Variants in CNTN5 observed in about 807,000 individuals in gnomAD.
CNTN5 encodes contactin 5.
Under a neutral mutation model 129.1 loss-of-function variants are expected in CNTN5, and 77 were observed. The ratio of observed to expected loss-of-function variants is 0.60; its 90% CI spans 0.50 to 0.72. The LOEUF (loss-of-function observed/expected upper bound fraction) is 0.72, where lower values mean the gene tolerates loss of function less well. Among genes scored for constraint, CNTN5 ranks in the 30% least tolerant of loss-of-function variants. The pLI is 0.00. For missense variants in CNTN5, 1,478 were observed against 1,328.8 expected (o/e 1.11, Z -1.75); for synonymous variants, 509 against 465.6 (o/e 1.09, Z -1.20).
intron 23 of CNTN5, among the ~76,000 whole-genome samples, chr11:100,349,640 T>C (rs1404247474): frequency 3.3e-5 from 5 of 151,874 alleles, no homozygotes; most frequent in Non-Finnish European, 7.4e-5. Context: ...CTGTTTCATA[T>C]CCAGATCTGT....
At chr11:100,078,321 T>C (rs141443889) in intron 13 of CNTN5, among the ~76,000 whole-genome samples, 1,600 of 152,294 alleles carry the variant, frequency 0.011, 32 homozygotes, top group African/African-American at 0.034. Context: ...AAAATATGAT[T>C]AACAAATTAG....
At chr11:99,756,234 A>G (rs1266106955) in intron 3 of CNTN5, among the ~76,000 whole-genome samples, 1 of 152,132 alleles carries the variant, frequency 6.6e-6, no homozygotes. Context: ...TAGACCTTGT[A>G]AAGATAGCCT....
chr11:99,048,872 G>A (rs914384591), intron 1 of CNTN5, among the ~76,000 whole-genome samples: 5 of 152,068 alleles, frequency 3.3e-5, no homozygotes, highest in South Asian at 4.1e-4. Flanking sequence ...AAATGGCTTC[G>A]CCTTCAATTT....
At chr11:100,104,241 C>T (rs919361679) in intron 13 of CNTN5, among the ~76,000 whole-genome samples, 3 of 151,816 alleles carry the variant, frequency 2.0e-5, no homozygotes, top group Admixed American at 2.0e-4. Flanking sequence ...ATTACAGGTA[C>T]CCACCACCAC....
chr11:100,338,739 G>T (rs1255825645), intron 21 of CNTN5, among the ~76,000 whole-genome samples: 1 of 152,156 alleles, frequency 6.6e-6, no homozygotes, highest in Non-Finnish European at 1.5e-5. Context: ...AGCCAGTTCA[G>T]CTGCTGGCAG....
chr11:99,764,051 C>T (rs964697785), intron 3 of CNTN5, among the ~76,000 whole-genome samples: 3 of 151,784 alleles, frequency 2.0e-5, no homozygotes, highest in Non-Finnish European at 4.4e-5. Context: ...GAAATGATAT[C>T]ATTAGCAATT....
chr11:99,584,411 G>A (rs1949722734), intron 3 of CNTN5, among the ~76,000 whole-genome samples: 1 of 152,168 alleles, frequency 6.6e-6, no homozygotes, highest in African/African-American at 2.4e-5. Flanking sequence ...ATGCTCCAGA[G>A]TGTCCATGGT....
rs181962359 is a variant in CNTN5, at chr11:99,775,155, G to T, written c.56-44389G>T. 4.6e-5 allele frequency among the ~76,000 whole-genome samples: 7 copies of T among 152,168 alleles called. No individual in the cohort carries two copies. The East Asian group carries it at 1.4e-3, about 29-fold the overall frequency. On this transcript the variant is annotated intron_variant, in intron 3 of 24. Transcript: ENST00000524871. ...GTTTTTACTCTGCCATGGGCGTGAT[G>T]CTTAGCCATAAAAAGATTTACCTTT...
At position 99,692,060 on chromosome 11, in the gene CNTN5, A is replaced by C. The variant is rs117713066; in HGVS notation, c.56-127484A>C. The stretch of plus-strand genomic sequence containing the variant: ...CTGTATTGTCAGAAACTAGAATTGC[A>C]ACCCCTGCTTTTTTAGGTTTTCCAT... On this transcript the variant is annotated intron_variant, in intron 3 of 24. Coordinates refer to ENST00000524871, the MANE Select transcript of CNTN5 (RefSeq NM_014361.4). 9.6e-3 allele frequency among the ~76,000 whole-genome samples: 1,463 copies of C among 152,254 alleles called. 16 individuals carry two copies. The highest frequency in any genetic ancestry group is 0.031 in the Middle Eastern group (9 of 294).
intron 1 of CNTN5, among the ~76,000 whole-genome samples, chr11:99,149,531 A>G (rs1317107806): frequency 1.3e-5 from 2 of 152,174 alleles, no homozygotes; most frequent in African/African-American, 2.4e-5. Flanking sequence ...ATATACCACA[A>G]CTGTCATACG....
intron 3 of CNTN5, among the ~76,000 whole-genome samples, chr11:99,812,853 C>T (rs1043714823): frequency 1.3e-5 from 2 of 152,100 alleles, no homozygotes; most frequent in South Asian, 4.1e-4. Context: ...TGTAAGAATA[C>T]AAGATGTTGG....
At chr11:99,254,708 G>T (rs1862287998) in intron 1 of CNTN5, among the ~76,000 whole-genome samples, 1 of 151,742 alleles carries the variant, frequency 6.6e-6, no homozygotes, top group Non-Finnish European at 1.5e-5. Flanking sequence ...ATATATACAT[G>T]GAAGTGTTTA....
rs183430349 is a variant in CNTN5 at position 100,324,966 on chromosome 11, C to G, written c.2731-15497C>G. Among the ~76,000 whole-genome samples the G allele has an allele frequency of 5.2e-3, 794 of 152,246 alleles. 3 individuals carry two copies. Among genetic ancestry groups the G allele is most frequent in the Non-Finnish European group, 9.2e-3 (627 of 67,982 alleles). On this transcript the variant is annotated intron_variant, in intron 21 of 24. Coordinates refer to ENST00000524871, the MANE Select transcript of CNTN5 (RefSeq NM_014361.4). ...CTAATATGCATGCAATTTAATAATACTGACTGCCAGCATATCTCAAAGTAT... is the reference window on the plus strand; with the variant it reads ...CTAATATGCATGCAATTTAATAATAGTGACTGCCAGCATATCTCAAAGTAT...
chr11:99,193,232 A>G (rs1229061928), intron 1 of CNTN5, among the ~76,000 whole-genome samples: 1 of 152,186 alleles, frequency 6.6e-6, no homozygotes, highest in African/African-American at 2.4e-5. Flanking sequence ...GAAATTTTGG[A>G]TAATATACAA....
chr11:100,149,538 A>AAAT (rs1328559806), intron 13 of CNTN5, among the ~76,000 whole-genome samples: 8 of 152,306 alleles, frequency 5.3e-5, no homozygotes, highest in African/African-American at 1.9e-4. Flanking sequence ...AATTATTTTG[A>AAAT]AATGATAAAA....
chr11:99,756,193 G>A (rs1361995205), intron 3 of CNTN5, among the ~76,000 whole-genome samples: 1 of 152,082 alleles, frequency 6.6e-6, no homozygotes, highest in Admixed American at 6.6e-5. Flanking sequence ...TTATGGTGAG[G>A]AAGTATTGCC....
intron 3 of CNTN5, among the ~76,000 whole-genome samples, chr11:99,654,537 A>G (rs551152281): frequency 7.2e-5 from 11 of 152,088 alleles, no homozygotes; most frequent in East Asian, 1.9e-4. Context: ...ATTAAAAATG[A>G]TGTAGGTTTC....
chr11:99,819,200 T>G (rs2508661), intron 3 of CNTN5, among the ~76,000 whole-genome samples: 1 of 147,482 alleles, frequency 6.8e-6, no homozygotes. Context: ...AGCTTGGGCT[T>G]TTGACTGTCT....
chr11:99,682,621 G>T (rs184623215), intron 3 of CNTN5, among the ~76,000 whole-genome samples: 1 of 151,796 alleles, frequency 6.6e-6, no homozygotes, highest in Admixed American at 6.6e-5. Context: ...AAACACATCC[G>T]TTCTGTGTAA....
Sources: allele counts gnomAD v4.1 joint callset (sites outside exome capture counted in the v4.1 genomes callset), GRCh38; gene constraint gnomAD v4.1.1; transcripts MANE v1.5; gene names NCBI Gene and HGNC (gene_info 2026-07-23, HGNC 2026-07-21).